The following SUPT3H variants were observed in gnomAD, a reference collection of about 807,000 sequenced individuals.
SUPT3H encodes the protein SPT3 homolog, SAGA and STAGA complex component, also known as transcription initiation protein SPT3 homolog.
In SUPT3H, 44 loss-of-function variants were observed where a neutral mutation model predicts 44.3. That is an observed-to-expected ratio of 0.99 (90% CI 0.78 to 1.28). SUPT3H has a LOEUF of 1.28. Among genes scored for constraint, SUPT3H ranks in the 50% most tolerant of loss-of-function variants. The pLI, the probability that SUPT3H is intolerant of heterozygous loss-of-function variation, is 0.00. For missense variants in SUPT3H, 380 were observed against 387.1 expected (o/e 0.98, Z 0.15); for synonymous variants, 124 against 125.6 (o/e 0.99, Z 0.09).
chr6:45,082,017 C>T (rs1795879232), intron 3 of SUPT3H, among the ~76,000 whole-genome samples: 1 of 152,072 alleles, frequency 6.6e-6, no homozygotes, highest in Admixed American at 6.5e-5. Flanking sequence ...ACATCTATGG[C>T]ATTTTACACA....
At chr6:44,959,135 C>A (rs1333714479) in intron 7 of SUPT3H, among the ~76,000 whole-genome samples, 1 of 152,038 alleles carries the variant, frequency 6.6e-6, no homozygotes, top group Non-Finnish European at 1.5e-5. Flanking sequence ...GGTGATCCAC[C>A]TGCCTCGGTC....
chr6:45,102,964 G>T (rs914140141), intron 3 of SUPT3H, among the ~76,000 whole-genome samples: 3 of 151,426 alleles, frequency 2.0e-5, no homozygotes, highest in African/African-American at 7.3e-5. Flanking sequence ...AAAAAAAGAT[G>T]TTCAAAGAAT....
At chr6:45,368,002 T>G (rs1795437895) in intron 1 of SUPT3H, among the ~76,000 whole-genome samples, 1 of 152,164 alleles carries the variant, frequency 6.6e-6, no homozygotes, top group Admixed American at 6.6e-5. Context: ...GTCCTATCAT[T>G]CCAATGCTCT....
chr6:45,313,709 A>G (rs1784307194), intron 2 of SUPT3H, among the ~76,000 whole-genome samples: 1 of 151,988 alleles, frequency 6.6e-6, no homozygotes, highest in African/African-American at 2.4e-5. Flanking sequence ...ATTCTACCAG[A>G]CATTCAAAGA....
chr6:45,065,773 C>T (rs1173726703), intron 3 of SUPT3H, among the ~76,000 whole-genome samples: 1 of 151,836 alleles, frequency 6.6e-6, no homozygotes, highest in East Asian at 1.9e-4. Context: ...GAAGTTGAAT[C>T]TCTGAATAGA....
chr6:45,123,842 A>G (rs1173954273), intron 2 of SUPT3H, among the ~76,000 whole-genome samples: 2 of 152,220 alleles, frequency 1.3e-5, no homozygotes, highest in Non-Finnish European at 2.9e-5. Context: ...AAACTTATGA[A>G]TGGTCACTGC....
intron 2 of SUPT3H, among the ~76,000 whole-genome samples, chr6:45,112,988 T>TG (rs1277177672): frequency 1.0e-4 from 9 of 87,088 alleles, no homozygotes; most frequent in East Asian, 4.3e-4. Flanking sequence ...TAATTAGTTC[T>TG]GGTTTTTTTG....
chr6:44,888,664 G>T (rs1463158334), intron 10 of SUPT3H, among the ~76,000 whole-genome samples: 1 of 151,998 alleles, frequency 6.6e-6, no homozygotes, highest in South Asian at 2.1e-4. Context: ...ATATCATACT[G>T]AATGGGCAAA....
At chr6:44,810,941 A>AC (rs1766476105) in intron 11 of SUPT3H, among the ~76,000 whole-genome samples, 1 of 152,118 alleles carries the variant, frequency 6.6e-6, no homozygotes. Flanking sequence ...GAACAGTTTT[A>AC]CATTTACTGA....
intron 10 of SUPT3H, among the ~76,000 whole-genome samples, chr6:44,909,145 G>A (rs1474460803): frequency 2.9e-5 from 2 of 68,678 alleles, no homozygotes; most frequent in African/African-American, 1.3e-4. Flanking sequence ...GTGTGTGCGT[G>A]TGTGTGTGTG....
At chr6:45,281,591 G>A (rs376806698) in intron 2 of SUPT3H, among the ~76,000 whole-genome samples, 37 of 152,260 alleles carry the variant, frequency 2.4e-4, no homozygotes, top group African/African-American at 8.2e-4. Context: ...CAAAGCAGCC[G>A]GGAAGCTCAA....
chr6:45,006,904 A>C (rs1324069922), intron 5 of SUPT3H, among the ~76,000 whole-genome samples: 1 of 152,182 alleles, frequency 6.6e-6, no homozygotes, highest in Non-Finnish European at 1.5e-5. Context: ...TAACTACTCA[A>C]CATACTTCTT....
At chr6:44,980,626 G>T (rs1303963966) in intron 6 of SUPT3H, among the ~76,000 whole-genome samples, 4 of 152,176 alleles carry the variant, frequency 2.6e-5, no homozygotes, top group Non-Finnish European at 5.9e-5. Flanking sequence ...ATACTGAGTG[G>T]CAAGTAGTTG....
At chr6:45,222,249 T>C (rs1257174658) in intron 2 of SUPT3H, among the ~76,000 whole-genome samples, 2 of 152,058 alleles carry the variant, frequency 1.3e-5, no homozygotes, top group Non-Finnish European at 2.9e-5. Context: ...ACATTGCACC[T>C]CATCAAAATT....
chr6:45,219,565 TACCAA>T (rs1433051791), intron 2 of SUPT3H, among the ~76,000 whole-genome samples: 1 of 152,108 alleles, frequency 6.6e-6, no homozygotes, highest in Non-Finnish European at 1.5e-5. Context: ...AACCACACAG[TACCAA>T]AATACAACCA....
intron 3 of SUPT3H, among the ~76,000 whole-genome samples, chr6:45,043,167 A>ACACACACG (rs1011090608): frequency 1.3e-5 from 2 of 151,304 alleles, no homozygotes; most frequent in East Asian, 3.9e-4. Flanking sequence ...ACACACACAC[A>ACACACACG]CACGCACACA....
At chr6:45,199,575 G>A in intron 2 of SUPT3H, among the ~76,000 whole-genome samples, 1 of 151,216 alleles carries the variant, frequency 6.6e-6, no homozygotes, top group Admixed American at 6.6e-5. Flanking sequence ...CTATGGTCAG[G>A]CAACCAACCC....
At chr6:45,156,784 ATTT>A (rs1044762559) in intron 2 of SUPT3H, among the ~76,000 whole-genome samples, 3 of 151,722 alleles carry the variant, frequency 2.0e-5, no homozygotes, top group South Asian at 4.2e-4. Flanking sequence ...GAAGTTTTTG[ATTT>A]TTTTATCAGA....
At chr6:44,904,337 C>T (rs554475849) in intron 10 of SUPT3H, among the ~76,000 whole-genome samples, 2 of 152,306 alleles carry the variant, frequency 1.3e-5, no homozygotes, top group East Asian at 1.9e-4. Flanking sequence ...GATACAAAAT[C>T]AACCTGCAAA....
Sources: allele counts gnomAD v4.1 joint callset (sites outside exome capture counted in the v4.1 genomes callset), GRCh38; gene constraint gnomAD v4.1.1; transcripts MANE v1.5; gene names NCBI Gene and HGNC (gene_info 2026-07-23, HGNC 2026-07-21).